GSE1: variants seen among roughly 807,000 people sequenced by gnomAD.
The protein encoded by GSE1 is genetic suppressor element 1.
GSE1 carries 32 observed loss-of-function variants against 112.6 expected under a neutral mutation model. That is an observed-to-expected ratio of 0.28 (90% CI 0.21 to 0.38). The LOEUF (loss-of-function observed/expected upper bound fraction) is 0.38, where lower values mean the gene tolerates loss of function less well. GSE1 is among the 10% of genes least tolerant of loss of function. GSE1 has a pLI of 1.00. For synonymous variants in GSE1, 1,115 were observed against 735.6 expected, an observed-to-expected ratio of 1.52 and a Z score of -8.35; for missense variants, 2,348 against 1,699.2, an observed-to-expected ratio of 1.38 and a Z score of -6.71.
At chr16:85,190,843 G>C (rs55997257) in intron 1 of GSE1, among the ~76,000 whole-genome samples, 110 of 152,368 alleles carry the variant, frequency 7.2e-4, no homozygotes, top group Non-Finnish European at 1.3e-3. Flanking sequence ...GACTCACCAG[G>C]GTGGGGCTGA....
At chr16:85,533,276 C>T (rs867821583) in intron 2 of GSE1, among the ~76,000 whole-genome samples, 4 of 151,530 alleles carry the variant, frequency 2.6e-5, no homozygotes, top group African/African-American at 4.9e-5. Context: ...AAAAATTAGC[C>T]GGGCATGGTG....
intron 1 of GSE1, among the ~76,000 whole-genome samples, chr16:85,213,293 A>G (rs2075257079): frequency 6.6e-6 from 1 of 151,878 alleles, no homozygotes; most frequent in Admixed American, 6.6e-5. Flanking sequence ...AGAAAAAGAA[A>G]AAGTTAGCCA....
intron 1 of GSE1, among the ~76,000 whole-genome samples, chr16:85,271,104 C>G (rs1567652967): frequency 6.6e-6 from 1 of 152,188 alleles, no homozygotes; most frequent in Admixed American, 6.5e-5. Flanking sequence ...GCCAGAAGTA[C>G]CGGGAGGTGA....
At chr16:85,190,848 G>T (rs530989221) in intron 1 of GSE1, among the ~76,000 whole-genome samples, 1 of 152,252 alleles carries the variant, frequency 6.6e-6, no homozygotes, top group Non-Finnish European at 1.5e-5. Flanking sequence ...ACCAGGGTGG[G>T]GCTGATGGTG....
intron 1 of GSE1, among the ~76,000 whole-genome samples, chr16:85,347,922 G>GTCTTCC: frequency 6.6e-6 from 1 of 152,334 alleles, no homozygotes; most frequent in South Asian, 2.1e-4. Context: ...TCGAGGCCTT[G>GTCTTCC]AACCAGGGAC....
chr16:85,632,560 C>G (rs916122780), intron 1 of GSE1, among the ~76,000 whole-genome samples: 1 of 152,216 alleles, frequency 6.6e-6, no homozygotes, highest in African/African-American at 2.4e-5. Flanking sequence ...TGCCTCCGAG[C>G]CTGCTGTCCC....
intron 1 of GSE1, among the ~76,000 whole-genome samples, chr16:85,282,669 T>C (rs896278842): frequency 6.6e-6 from 1 of 152,188 alleles, no homozygotes; most frequent in Non-Finnish European, 1.5e-5. Context: ...CCTTGGAGGA[T>C]TTTTATGAAT....
intron 2 of GSE1, among the ~76,000 whole-genome samples, chr16:85,486,732 C>G (rs762702961): frequency 6.6e-6 from 1 of 152,116 alleles, no homozygotes; most frequent in South Asian, 2.1e-4. Flanking sequence ...CGGGACGGAG[C>G]GGGCATCTGT....
chr16:85,629,019 C>T (rs990952340), intron 1 of GSE1, among the ~76,000 whole-genome samples: 1 of 152,140 alleles, frequency 6.6e-6, no homozygotes, highest in African/African-American at 2.4e-5. Flanking sequence ...TAGTGGTGAG[C>T]ACGCTCTCGC....
intron 1 of GSE1, among the ~76,000 whole-genome samples, chr16:85,226,905 A>C (rs1178061765): frequency 4.0e-5 from 6 of 151,774 alleles, no homozygotes; most frequent in Admixed American, 3.9e-4. Context: ...CAGGCTCTTC[A>C]TCTGGCCCGA....
intron 4 of GSE1, 100 bp downstream of exon 4, chr16:85,654,550 G>T (rs546425730): frequency 9.4e-7 from 1 of 1,058,514 alleles, no homozygotes; most frequent in Non-Finnish European, 1.4e-6. Flanking sequence ...AGATGAGGCT[G>T]TGCCTGCTAG....
chr16:85,408,844 A>AG (rs751731890), intron 2 of GSE1, among the ~76,000 whole-genome samples: 4 of 45,326 alleles, frequency 8.8e-5, no homozygotes, highest in Admixed American at 1.8e-4. Flanking sequence ...TGTTACACTC[A>AG]GGCCCCCCTG....
chr16:85,517,045 T>C (rs1483536619), intron 2 of GSE1, among the ~76,000 whole-genome samples: 4 of 152,126 alleles, frequency 2.6e-5, no homozygotes, highest in Non-Finnish European at 5.9e-5. Context: ...GATCCAGCCA[T>C]CTCGGCCTCC....
intron 2 of GSE1, among the ~76,000 whole-genome samples, chr16:85,645,712 C>A (rs1189261053): frequency 6.6e-6 from 1 of 152,128 alleles, no homozygotes; most frequent in Non-Finnish European, 1.5e-5. Flanking sequence ...CTGCTTCTGC[C>A]CCCGGAACCA....
intron 2 of GSE1, among the ~76,000 whole-genome samples, chr16:85,636,913 T>C (rs2050050284): frequency 6.7e-6 from 1 of 150,164 alleles, no homozygotes; most frequent in South Asian, 2.1e-4. Context: ...ACCCCCCAGC[T>C]CCCCTGTGCT....
At chr16:85,651,373 C>T (rs2051339310) in intron 3 of GSE1, among the ~76,000 whole-genome samples, 2 of 152,020 alleles carry the variant, frequency 1.3e-5, no homozygotes, top group African/African-American at 4.8e-5. Flanking sequence ...GTGGGTCTGG[C>T]TCGCCGGGCC....
chr16:85,551,901 C>T (rs548428209), upstream of GSE1, among the ~76,000 whole-genome samples: 1 of 152,378 alleles, frequency 6.6e-6, no homozygotes, highest in Admixed American at 6.5e-5. Context: ...CAGCCAGGAG[C>T]TGGCCCACCG....
chr16:85,383,787 C>G (rs2047622303), intron 2 of GSE1, among the ~76,000 whole-genome samples: 1 of 152,126 alleles, frequency 6.6e-6, no homozygotes. Flanking sequence ...TTAAAGGGTC[C>G]CCATGAAGGC....
At chr16:85,303,615 A>T (rs1273234236) in intron 1 of GSE1, among the ~76,000 whole-genome samples, 1 of 152,208 alleles carries the variant, frequency 6.6e-6, no homozygotes, top group East Asian at 1.9e-4. Flanking sequence ...AGTCTCAGAG[A>T]GGTAAACGGG....
Sources: allele counts gnomAD v4.1 joint callset (sites outside exome capture counted in the v4.1 genomes callset), GRCh38; gene constraint gnomAD v4.1.1; transcripts MANE v1.5; gene names NCBI Gene and HGNC (gene_info 2026-07-23, HGNC 2026-07-21).